The following SYNPR variants were observed in gnomAD, a reference collection of about 807,000 sequenced individuals.
SYNPR encodes the protein synaptoporin.
In SYNPR, 23 loss-of-function variants were observed where a neutral mutation model predicts 32.9. That is an observed-to-expected ratio of 0.70 (90% CI 0.50 to 0.99). The LOEUF is 0.99. SYNPR is among the 50% of genes least tolerant of loss of function. The pLI is 0.00. For missense variants in SYNPR, 318 were observed against 349.3 expected, an observed-to-expected ratio of 0.91 and a Z score of 0.71; for synonymous variants, 146 against 135.9, an observed-to-expected ratio of 1.07 and a Z score of -0.52.
intron 2 of SYNPR, among the ~76,000 whole-genome samples, chr3:63,457,566 T>C (rs1700505992): frequency 6.6e-6 from 1 of 152,120 alleles, no homozygotes; most frequent in Non-Finnish European, 1.5e-5. Context: ...CTGCAACACC[T>C]AACAAACTGA....
At chr3:63,510,939 G>C (rs1013780559) in intron 3 of SYNPR, among the ~76,000 whole-genome samples, 13 of 148,844 alleles carry the variant, frequency 8.7e-5, no homozygotes, top group Non-Finnish European at 1.7e-4. Context: ...GTGTGTGCGC[G>C]CACGTTGTGT....
intron 3 of SYNPR, among the ~76,000 whole-genome samples, chr3:63,507,332 T>G (rs1262983230): frequency 6.6e-6 from 1 of 152,000 alleles, no homozygotes; most frequent in East Asian, 1.9e-4. Flanking sequence ...CAAAATTGCT[T>G]CTGTAGTCTT....
At chr3:63,433,599 CTTCGG>C (rs1700028931) in intron 2 of SYNPR, among the ~76,000 whole-genome samples, 2 of 152,160 alleles carry the variant, frequency 1.3e-5, no homozygotes, top group South Asian at 4.1e-4. Flanking sequence ...GTACTGCACG[CTTCGG>C]TTCTCAAAGT....
intron 3 of SYNPR, among the ~76,000 whole-genome samples, chr3:63,498,650 G>A (rs1189264092): frequency 1.3e-5 from 2 of 152,124 alleles, no homozygotes; most frequent in Non-Finnish European, 2.9e-5. Flanking sequence ...GGCGGGAAGA[G>A]GCCTGGTGTG....
chr3:63,565,501 G>A (rs1702767042), intron 4 of SYNPR, among the ~76,000 whole-genome samples: 1 of 152,190 alleles, frequency 6.6e-6, no homozygotes, highest in African/African-American at 2.4e-5. Context: ...AGCAGAACAT[G>A]TGGGAAGCCT....
chr3:63,397,252 A>T (rs762944899), intron 2 of SYNPR, among the ~76,000 whole-genome samples: 9 of 152,176 alleles, frequency 5.9e-5, no homozygotes, highest in Non-Finnish European at 8.8e-5. Context: ...TGAGATCTGG[A>T]ACCAACCACC....
intron 2 of SYNPR, among the ~76,000 whole-genome samples, chr3:63,289,002 G>T (rs906509292): frequency 6.6e-6 from 1 of 152,142 alleles, no homozygotes; most frequent in African/African-American, 2.4e-5. Context: ...ATAAATCAGG[G>T]TCCATAACTA....
intron 5 of SYNPR, chr3:63,610,441 T>C: frequency 2.9e-6 from 2 of 686,720 alleles, no homozygotes; most frequent in East Asian, 5.4e-5. Flanking sequence ...GAAATAATTA[T>C]CTTTGCTTCA....
At chr3:63,374,639 C>T (rs1398120107) in intron 2 of SYNPR, among the ~76,000 whole-genome samples, 2 of 152,178 alleles carry the variant, frequency 1.3e-5, no homozygotes, top group African/African-American at 4.8e-5. Flanking sequence ...TGATCAATCA[C>T]TTTTATATCC....
chr3:63,501,541 TAGAAA>T (rs1352700732), intron 3 of SYNPR, among the ~76,000 whole-genome samples: 1 of 113,490 alleles, frequency 8.8e-6, no homozygotes, highest in Non-Finnish European at 2.0e-5. Flanking sequence ...AATAATAGAA[TAGAAA>T]AGAAAAGAAA....
At chr3:63,220,080 A>G in the SYNPR span, among the ~76,000 whole-genome samples, 1 of 152,204 alleles carries the variant, frequency 6.6e-6, no homozygotes, top group Non-Finnish European at 1.5e-5. Flanking sequence ...TTGTAACCCA[A>G]GTGCCTGAAT....
rs184484242 is a variant in SYNPR, at chr3:63,235,116, C to A, written n.66+6736C>A. On this transcript the variant is annotated intron_variant and non_coding_transcript_variant, in intron 1 of 4. Coordinates refer to the SYNPR transcript ENST00000478456. Reference sequence around the variant, plus strand: ...GTATGTGTGTGTACTAAGTTTTTTACAATGTTACCACCTGGGTAGATCAAA... The same window carrying A: ...GTATGTGTGTGTACTAAGTTTTTTAAAATGTTACCACCTGGGTAGATCAAA... Among the ~76,000 whole-genome samples, 182 of 152,204 alleles carry A rather than the reference C, an allele frequency of 1.2e-3. 1 individual carries two copies. Among genetic ancestry groups the A allele is most frequent in the Admixed American group, 2.5e-3 (38 of 15,286 alleles).
intron 2 of SYNPR, among the ~76,000 whole-genome samples, chr3:63,479,165 T>G (rs17068721): frequency 0.044 from 6,739 of 152,248 alleles, 183 homozygotes; most frequent in South Asian, 0.1. Context: ...ACTGCTTGGA[T>G]GTTGGCTCAC....
chr3:63,379,046 T>G (rs188761550), intron 2 of SYNPR, among the ~76,000 whole-genome samples: 51 of 152,306 alleles, frequency 3.3e-4, no homozygotes, highest in African/African-American at 1.2e-3. Context: ...CTTTTGAGAC[T>G]TTTTGAAAAT....
chr3:63,376,895 T>C (rs1288247486), intron 2 of SYNPR, among the ~76,000 whole-genome samples: 1 of 152,122 alleles, frequency 6.6e-6, no homozygotes, highest in Non-Finnish European at 1.5e-5. Context: ...ACCTGTTTTA[T>C]TCTCTATTGT....
intron 2 of SYNPR, among the ~76,000 whole-genome samples, chr3:63,405,946 G>T (rs1446995242): frequency 1.3e-5 from 2 of 152,148 alleles, no homozygotes; most frequent in Non-Finnish European, 2.9e-5. Context: ...CTCTGTCATT[G>T]CTTCTCATTT....
chr3:63,332,370 T>A (rs1475906027), intron 2 of SYNPR, among the ~76,000 whole-genome samples: 5 of 152,196 alleles, frequency 3.3e-5, no homozygotes, highest in Non-Finnish European at 7.3e-5. Context: ...AGCTCACTTG[T>A]TTATACTTCG....
chr3:63,563,558 C>T (rs1040415157), intron 4 of SYNPR, among the ~76,000 whole-genome samples: 1 of 152,132 alleles, frequency 6.6e-6, no homozygotes, highest in Non-Finnish European at 1.5e-5. Context: ...TCCCCTCTGT[C>T]TTCTTCTCCT....
At chr3:63,594,617 G>A (rs1222660985) in intron 4 of SYNPR, among the ~76,000 whole-genome samples, 1 of 151,932 alleles carries the variant, frequency 6.6e-6, no homozygotes, top group African/African-American at 2.4e-5. Flanking sequence ...CTATAAAATG[G>A]GATTACAATA....
Sources: gnomAD v4.1 joint callset for allele counts (sites outside exome capture counted in the v4.1 genomes callset) on GRCh38, gnomAD v4.1.1 for gene constraint, MANE v1.5 for transcripts, NCBI Gene and HGNC (gene_info 2026-07-23, HGNC 2026-07-21) for gene names.